The following MRPL48 variants were observed in gnomAD, a reference collection of about 807,000 sequenced individuals.
The protein encoded by MRPL48 is large ribosomal subunit protein mL48.
A neutral mutation model predicts 32.9 loss-of-function variants in MRPL48; 16 were observed. The observed-to-expected ratio is 0.49, with a 90% CI of 0.33 to 0.74. The LOEUF is 0.74. MRPL48 is among the 30% of genes least tolerant of loss of function. The pLI is 0.02. For missense variants in MRPL48, 206 were observed against 245.3 expected (o/e 0.84, Z 1.07); for synonymous variants, 94 against 89.2 (o/e 1.05, Z -0.31).
chr11:73,808,313 G>A lies in MRPL48; in HGVS notation c.75G>A (p.Arg25=). 1 of 1,606,458 alleles carries A rather than the reference G, an allele frequency of 6.2e-7. No individual in the cohort carries two copies. Among genetic ancestry groups the A allele is most frequent in the South Asian group, 1.1e-5 (1 of 89,648 alleles). The change falls in exon 3 of 8, where the codon AGG becomes AGA. Residue 25 remains arginine (R), a splice_region_variant and synonymous_variant. Coordinates refer to ENST00000310614, the MANE Select transcript of MRPL48 (RefSeq NM_016055.6). Reference sequence around the variant, plus strand: ...GAACATACTTTCTCCCTCCTTTTAGGTTTAGAACTTCAGGAGAGAAGCCCA... The same window carrying A: ...GAACATACTTTCTCCCTCCTTTTAGATTTAGAACTTCAGGAGAGAAGCCCA... The part of the protein sequence containing the change: ...TIFKQAFSLL[R]FRTSGEKPIY...
intron 1 of MRPL48, among the ~76,000 whole-genome samples, chr11:73,800,557 A>C (rs569631232): frequency 5.1e-4 from 77 of 152,208 alleles, no homozygotes; most frequent in Admixed American, 1.6e-3. Context: ...CCAGTGCAGC[A>C]TCTGTGTCCT....
At chr11:73,844,076 TCTCAAAAAAAAAAA>T (rs1948241381) in intron 4 of MRPL48, among the ~76,000 whole-genome samples, 1 of 147,356 alleles carries the variant, frequency 6.8e-6, no homozygotes, top group Non-Finnish European at 1.5e-5. Flanking sequence ...TGAAACTCCA[TCTCAAAAAAAAAAA>T]ATATTGGGGG....
intron 5 of MRPL48, among the ~76,000 whole-genome samples, chr11:73,859,515 A>G (rs544790196): frequency 2.4e-4 from 36 of 152,160 alleles, no homozygotes; most frequent in African/African-American, 8.7e-4. Context: ...TCCTGAGCTC[A>G]AGCCATCCAG....
Position 73,864,497 on chromosome 11 carries a change from T to C in MRPL48, c.*127T>C. 2 of 878,984 alleles carry C rather than the reference T, an allele frequency of 2.3e-6. No individual in the cohort carries two copies. The highest frequency in any genetic ancestry group is 3.6e-6 in the Non-Finnish European group (2 of 551,234). The allele number at this position is 878,984 out of a possible 1,614,324, so 54.4% of individuals were successfully genotyped here. On this transcript the variant is annotated 3_prime_UTR_variant, in exon 8 of 8. Coordinates refer to ENST00000310614, the MANE Select transcript of MRPL48 (RefSeq NM_016055.6). ...CATAAGTACCCATTCCCATAGCCAG[T>C]AATGTCCTCACTCCTCTGTGGCTTG... is the stretch of plus-strand genomic sequence containing the variant.
chr11:73,826,774 C>CTTTTTTTTTTTTT (rs71065041), intron 4 of MRPL48, among the ~76,000 whole-genome samples: 3 of 108,938 alleles, frequency 2.8e-5, no homozygotes, highest in Non-Finnish European at 5.7e-5. Context: ...ACTGTATTTT[C>CTTTTTTTTTTTTT]TTTTTTTTTT....
intron 5 of MRPL48, among the ~76,000 whole-genome samples, chr11:73,851,516 T>A (rs1948389524): frequency 6.6e-6 from 1 of 152,228 alleles, no homozygotes; most frequent in Non-Finnish European, 1.5e-5. Context: ...TCTAAAAATG[T>A]GCTTTATCTC....
At chr11:73,853,806 T>C (rs1565110859) in intron 5 of MRPL48, among the ~76,000 whole-genome samples, 5 of 146,038 alleles carry the variant, frequency 3.4e-5, no homozygotes, top group Admixed American at 2.1e-4. Flanking sequence ...TTCTCCTGCC[T>C]CAGCCTCCCG....
chr11:73,799,971 T>C (rs1947327315), intron 1 of MRPL48, among the ~76,000 whole-genome samples: 1 of 152,192 alleles, frequency 6.6e-6, no homozygotes, highest in Non-Finnish European at 1.5e-5. Context: ...AGGGATGGAC[T>C]TTGGATTCAG....
chr11:73,844,786 C>A lies in MRPL48; in HGVS notation c.202-21C>A, dbSNP rs767074906. On this transcript the variant is annotated intron_variant, in intron 4 of 7. Transcript: ENST00000310614. The stretch of plus-strand genomic sequence containing the variant: ...TCTTGTATAATACTTTATTTTCTTT[C>A]TCTCTTTGTTTTCTCTTCAGCCCAA... 5 of 1,599,250 alleles carry A rather than the reference C, an allele frequency of 3.1e-6. No homozygotes were observed. In the South Asian group the frequency reaches 5.7e-5, roughly 18 times the overall value.
intron 1 of MRPL48, 44 bp from the exon 2 acceptor site, chr11:73,804,983 C>G (rs1409474023): frequency 1.3e-6 from 2 of 1,551,782 alleles, no homozygotes; most frequent in Admixed American, 3.8e-5. Context: ...ACTTGGAGGT[C>G]TATAAATGCT....
At chr11:73,793,062 A>T (rs1947179907) in intron 1 of MRPL48, among the ~76,000 whole-genome samples, 1 of 152,094 alleles carries the variant, frequency 6.6e-6, no homozygotes. Context: ...CATGGTGCTT[A>T]TGTATTTATT....
intron 5 of MRPL48, among the ~76,000 whole-genome samples, chr11:73,856,988 G>A (rs1353427289): frequency 2.0e-5 from 3 of 152,168 alleles, no homozygotes; most frequent in Non-Finnish European, 4.4e-5. Flanking sequence ...CCTCCTGTGA[G>A]GCTTTCCCTG....
intron 1 of MRPL48, chr11:73,802,147 C>A (rs993725191): frequency 6.6e-6 from 1 of 152,204 alleles, no homozygotes; most frequent in South Asian, 2.1e-4. Flanking sequence ...AAGGATTTCT[C>A]TTAGCCATCT....
chr11:73,822,737 G>A (rs1051644026), intron 3 of MRPL48, among the ~76,000 whole-genome samples: 2 of 152,122 alleles, frequency 1.3e-5, no homozygotes, highest in African/African-American at 2.4e-5. Flanking sequence ...GGACCAGTAC[G>A]TGGTCTGTGA....
At chr11:73,828,238 T>A (rs1382932601) in intron 4 of MRPL48, among the ~76,000 whole-genome samples, 2 of 151,726 alleles carry the variant, frequency 1.3e-5, no homozygotes, top group African/African-American at 4.8e-5. Flanking sequence ...TTTTTTTTTT[T>A]TTTTTTTAAA....
chr11:73,841,227 T>C (rs1490105022), intron 4 of MRPL48, among the ~76,000 whole-genome samples: 2 of 152,190 alleles, frequency 1.3e-5, no homozygotes, highest in African/African-American at 4.8e-5. Context: ...TACAAAACTG[T>C]TTGAGAGTGT....
intron 3 of MRPL48, among the ~76,000 whole-genome samples, chr11:73,816,096 C>G (rs1434726900): frequency 6.6e-6 from 1 of 151,578 alleles, no homozygotes; most frequent in Non-Finnish European, 1.5e-5. Context: ...GAGTCTTGCT[C>G]TGTCGCCCAG....
At chr11:73,846,537 A>G (rs1948291255) in intron 5 of MRPL48, among the ~76,000 whole-genome samples, 1 of 151,472 alleles carries the variant, frequency 6.6e-6, no homozygotes, top group African/African-American at 2.4e-5. Flanking sequence ...TGTATTTTTA[A>G]TAGAGATGGG....
intron 2 of MRPL48, 64 bp from the exon 3 acceptor site, chr11:73,808,249 G>T (rs971095579): frequency 1.4e-6 from 2 of 1,468,368 alleles, no homozygotes; most frequent in Non-Finnish European, 1.9e-6. Flanking sequence ...TATAAATTTT[G>T]CAAACTATGC....
Sources: allele counts gnomAD v4.1 joint callset (sites outside exome capture counted in the v4.1 genomes callset), GRCh38; gene constraint gnomAD v4.1.1; transcripts MANE v1.5; gene names NCBI Gene and HGNC (gene_info 2026-07-23, HGNC 2026-07-21).